The following CCDC63 variants were observed in gnomAD, a reference collection of about 807,000 sequenced individuals.
The protein encoded by CCDC63 is coiled-coil domain containing 63.
In CCDC63, 54 loss-of-function variants were observed where a neutral mutation model predicts 63.6. That is an observed-to-expected ratio of 0.85 (90% CI 0.68 to 1.07). CCDC63 has a LOEUF of 1.07. Ranked by LOEUF, CCDC63 falls within the 50% of genes least tolerant of loss-of-function variation. The pLI, the probability that CCDC63 is intolerant of heterozygous loss-of-function variation, is 0.00. For missense variants in CCDC63, 637 were observed against 689.6 expected (o/e 0.92, Z 0.86); for synonymous variants, 253 against 266.1 (o/e 0.95, Z 0.48).
At chr12:110,863,015 CAA>C (rs1222148241) in intron 4 of CCDC63, among the ~76,000 whole-genome samples, 3 of 151,988 alleles carry the variant, frequency 2.0e-5, no homozygotes, top group Non-Finnish European at 4.4e-5. Context: ...CTTGGCCTCC[CAA>C]AGTGTTGGGA....
At position 110,884,235 on chromosome 12, in the gene CCDC63, G is replaced by A. The variant is rs200748307; in HGVS notation, c.1059G>A (p.Arg353=). Residue 353 remains arginine (R), a synonymous_variant, in exon 8 of 12, where the codon AGG becomes AGA. Transcript: ENST00000308208. The part of the protein sequence containing the change: ...LNNDMEMMHK[R]TQRIQDEIIL... ...ACGACATGGAGATGATGCACAAGAGGACCCAACGAATCCAGGTCAGGGCGG... is the reference window on the plus strand; with the variant it reads ...ACGACATGGAGATGATGCACAAGAGAACCCAACGAATCCAGGTCAGGGCGG... 2 of 1,614,042 alleles carry A rather than the reference G, an allele frequency of 1.2e-6. No individual in the cohort carries two copies. Among genetic ancestry groups the A allele is most frequent in the Admixed American group, 1.7e-5 (1 of 60,008 alleles).
intron 9 of CCDC63, among the ~76,000 whole-genome samples, chr12:110,893,699 C>A (rs2071385126): frequency 1.3e-5 from 2 of 152,150 alleles, no homozygotes; most frequent in Non-Finnish European, 2.9e-5. Flanking sequence ...CATCAAGGAG[C>A]TGGGATATTG....
intron 4 of CCDC63, among the ~76,000 whole-genome samples, chr12:110,873,535 G>A (rs974016433): frequency 1.3e-5 from 2 of 152,210 alleles, no homozygotes; most frequent in South Asian, 2.1e-4. Flanking sequence ...ATGTCATTGT[G>A]TATAAATGTC....
chr12:110,868,659 G>C (rs936176033), intron 4 of CCDC63, among the ~76,000 whole-genome samples: 16 of 150,082 alleles, frequency 1.1e-4, no homozygotes, highest in Non-Finnish European at 1.5e-5. Flanking sequence ...GCAGTGAGCC[G>C]AGATGGCAGC....
chr12:110,899,308 T>G (rs2071455622), intron 10 of CCDC63, among the ~76,000 whole-genome samples, 183 bp downstream of exon 10: 1 of 152,046 alleles, frequency 6.6e-6, no homozygotes, highest in African/African-American at 2.4e-5. Context: ...TTAAGCAGGT[T>G]TGTTTTTTGG....
intron 8 of CCDC63, among the ~76,000 whole-genome samples, chr12:110,885,596 C>T (rs2071269295): frequency 6.6e-6 from 1 of 152,170 alleles, no homozygotes; most frequent in South Asian, 2.1e-4. Context: ...ATGCATTTCC[C>T]TCCGCCACTG....
chr12:110,867,079 A>G (rs1294070519), intron 4 of CCDC63, among the ~76,000 whole-genome samples: 1 of 136,404 alleles, frequency 7.3e-6, no homozygotes, highest in African/African-American at 2.8e-5. Context: ...GGCCGGGCAG[A>G]GGCACCCCTC....
chr12:110,852,673 G>A (rs2070718806), intron 1 of CCDC63, among the ~76,000 whole-genome samples, 186 bp from the exon 2 acceptor site: 1 of 152,138 alleles, frequency 6.6e-6, no homozygotes, highest in Non-Finnish European at 1.5e-5. Flanking sequence ...CCAGGTTCCA[G>A]GCAAACATTG....
chr12:110,850,424 C>T (rs1007229538), intron 1 of CCDC63, among the ~76,000 whole-genome samples: 5 of 152,216 alleles, frequency 3.3e-5, no homozygotes, highest in African/African-American at 1.2e-4. Flanking sequence ...CTCTTCCAGG[C>T]TGATCTATCT....
chr12:110,880,658 T>G (rs1415165330), intron 6 of CCDC63, among the ~76,000 whole-genome samples: 1 of 150,096 alleles, frequency 6.7e-6, no homozygotes, highest in Non-Finnish European at 1.5e-5. Flanking sequence ...CAGTAATTGA[T>G]AAGTGGTGAT....
At chr12:110,860,001 C>T (rs1468134550) in intron 4 of CCDC63, among the ~76,000 whole-genome samples, 2 of 152,210 alleles carry the variant, frequency 1.3e-5, no homozygotes, top group African/African-American at 4.8e-5. Context: ...CAGGTTATAC[C>T]TCCCTGTGTC....
rs1227417239 is a variant in CCDC63, at chr12:110,899,051, G to A, written c.1268G>A (p.Cys423Tyr). 2 of 1,613,818 alleles carry A rather than the reference G, an allele frequency of 1.2e-6. No individual in the cohort carries two copies. The highest frequency in any genetic ancestry group is 1.3e-5 in the African/African-American group (1 of 74,902). ...GAGAAACTGTTCAAGAAGATAAACTGTGACGCCACCAAGATCCTGGTGCAG... is the reference window on the plus strand; with the variant it reads ...GAGAAACTGTTCAAGAAGATAAACTATGACGCCACCAAGATCCTGGTGCAG... The part of the protein sequence containing the change: ...SVEKLFKKIN[C>Y]DATKILVQLG... The change falls in exon 10 of 12, where the codon TGT becomes TAT. Residue 423 changes from cysteine to tyrosine, a missense_variant. Cys to Tyr is a radical substitution (Grantham distance 194). Transcript: ENST00000308208.
At chr12:110,903,692 G>A (rs1592791763) in intron 10 of CCDC63, among the ~76,000 whole-genome samples, 1 of 152,248 alleles carries the variant, frequency 6.6e-6, no homozygotes, top group East Asian at 1.9e-4. Flanking sequence ...TACAGTGCAA[G>A]GGGATGTCCC....
intron 4 of CCDC63, among the ~76,000 whole-genome samples, chr12:110,867,330 G>T (rs2070975390): frequency 8.9e-6 from 1 of 112,590 alleles, no homozygotes; most frequent in East Asian, 2.8e-4. Context: ...TCCCAGACGG[G>T]GCGGCTGGCC....
intron 10 of CCDC63, among the ~76,000 whole-genome samples, chr12:110,901,619 T>G (rs2071488898): frequency 6.6e-6 from 1 of 152,090 alleles, no homozygotes; most frequent in African/African-American, 2.4e-5. Flanking sequence ...TAACCATCCT[T>G]CCAGTCTCTA....
intron 5 of CCDC63, among the ~76,000 whole-genome samples, chr12:110,877,895 T>TG (rs1242635506): frequency 6.6e-6 from 1 of 151,492 alleles, no homozygotes; most frequent in East Asian, 2.0e-4. Context: ...TTAGTAGAGA[T>TG]GGGGTTTCAC....
intron 4 of CCDC63, among the ~76,000 whole-genome samples, chr12:110,868,655 A>G (rs978118122): frequency 6.7e-6 from 1 of 149,870 alleles, no homozygotes; most frequent in Non-Finnish European, 1.5e-5. Flanking sequence ...GGTTGCAGTG[A>G]GCCGAGATGG....
intron 8 of CCDC63, among the ~76,000 whole-genome samples, chr12:110,885,051 A>G (rs1229453700): frequency 6.6e-6 from 1 of 151,684 alleles, no homozygotes; most frequent in African/African-American, 2.4e-5. Context: ...ATGTCCCCCA[A>G]CCCAATAGTG....
At chr12:110,882,769 A>G (rs1481049543) in intron 7 of CCDC63, among the ~76,000 whole-genome samples, 1 of 152,042 alleles carries the variant, frequency 6.6e-6, no homozygotes, top group Non-Finnish European at 1.5e-5. Context: ...CTGAGGTGGG[A>G]GGATCGCCTG....
Sources: allele counts gnomAD v4.1 joint callset (sites outside exome capture counted in the v4.1 genomes callset), GRCh38; gene constraint gnomAD v4.1.1; transcripts MANE v1.5; gene names NCBI Gene and HGNC (gene_info 2026-07-23, HGNC 2026-07-21).